KIF7: variants seen among roughly 807,000 people sequenced by gnomAD.
KIF7 encodes kinesin-like protein KIF7.
In KIF7, 104 loss-of-function variants were observed where a neutral mutation model predicts 135.7. That is an observed-to-expected ratio of 0.77 (90% confidence interval 0.65 to 0.90). The LOEUF is 0.90. KIF7 is among the 40% of genes least tolerant of loss of function. KIF7 has a pLI of 0.00. For synonymous variants in KIF7, 883 were observed against 809.4 expected, an observed-to-expected ratio of 1.09 and a Z score of -1.54; for missense variants, 2,005 against 1,839.1, an observed-to-expected ratio of 1.09 and a Z score of -1.65.
In KIF7 at chr15:89,630,458, G is replaced by A. The variant is rs1287671158; in HGVS notation, c.3147C>T (p.Ile1049=). The part of the protein sequence containing the change: ...ERTLFQLDEA[I]EALDAAIEYK... ...ACTCAATGGCAGCATCCAGGGCCTC[G>A]ATGGCCTCATCCAACTGGAACAGCG... The change falls in exon 16 of 19, where the codon ATC becomes ATT. Residue 1049 remains isoleucine, a synonymous_variant. Transcript: ENST00000394412. The A allele has an allele frequency of 1.6e-5, 25 of 1,569,048 alleles. No individual in the cohort carries two copies. The highest frequency in any genetic ancestry group is 2.0e-5 in the Non-Finnish European group (23 of 1,156,688).
At chr15:89,647,194 C>T (rs1482596660) in intron 6 of KIF7, 137 bp from the exon 7 acceptor site, 1 of 748,190 alleles carries the variant, frequency 1.3e-6, no homozygotes, top group African/African-American at 1.7e-5. Flanking sequence ...CCTCTCCTCC[C>T]CAACAACTCT....
At chr15:89,648,159 G>C (rs1316449087) in intron 5 of KIF7, 96 bp downstream of exon 5, 3 of 1,349,924 alleles carry the variant, frequency 2.2e-6, no homozygotes, top group Admixed American at 3.3e-5. Flanking sequence ...TAATGGGCAG[G>C]AGGCAGGGGC....
intron 1 of KIF7, among the ~76,000 whole-genome samples, chr15:89,653,727 A>G (rs1964160537): frequency 6.6e-6 from 1 of 151,336 alleles, no homozygotes; most frequent in Admixed American, 6.6e-5. Context: ...ACAGACATGT[A>G]CCTGGCTAAT....
intron 1 of KIF7, among the ~76,000 whole-genome samples, chr15:89,622,976 A>G (rs1963451247): frequency 6.6e-6 from 1 of 152,256 alleles, no homozygotes; most frequent in Non-Finnish European, 1.5e-5. Flanking sequence ...CCCACTGAAC[A>G]GGAAATGCCA....
At chr15:89,630,701 G>A in intron 15 of KIF7, 1 of 617,382 alleles carries the variant, frequency 1.6e-6, no homozygotes, top group Non-Finnish European at 2.9e-6. Context: ...CTCAGAGGTG[G>A]CCTGCTCAAC....
downstream of KIF7, chr15:89,625,410 C>A: frequency 6.2e-7 from 1 of 1,613,930 alleles, no homozygotes; most frequent in East Asian, 2.2e-5. Flanking sequence ...GCTCCTCTTC[C>A]GGGAGGGGCG....
chr15:89,650,434 C>A (rs1162970621), intron 2 of KIF7, among the ~76,000 whole-genome samples: 2 of 152,120 alleles, frequency 1.3e-5, no homozygotes, highest in Non-Finnish European at 2.9e-5. Context: ...GCTCTCGTTG[C>A]CCAAGCTGGA....
chr15:89,625,055 C>G, downstream of KIF7: 23 of 1,614,036 alleles, frequency 1.4e-5, no homozygotes, highest in Non-Finnish European at 1.9e-5. Flanking sequence ...GACCCCAGCT[C>G]TTCATTAGAG....
chr15:89,655,323 T>G (rs1250986058), intron 1 of KIF7, 76 bp downstream of exon 1: 1 of 152,202 alleles, frequency 6.6e-6, no homozygotes, highest in African/African-American at 2.4e-5. Flanking sequence ...GGCCCAGGCC[T>G]GCGCGAGGAG....
chr15:89,625,315 C>G (rs762466707), downstream of KIF7: 2 of 1,613,966 alleles, frequency 1.2e-6, no homozygotes, highest in African/African-American at 2.7e-5. Context: ...TCCTTGGACA[C>G]CATCCCCCAA....
chr15:89,621,982 C>CTTTTT lies in KIF7; in HGVS notation c.181-3792_181-3788dup, dbSNP rs34123859. 7.1e-3 allele frequency among the ~76,000 whole-genome samples: 620 copies of CTTTTT among 87,602 alleles called. 9 individuals carry two copies. Among genetic ancestry groups the CTTTTT allele is most frequent in the Non-Finnish European group, 8.8e-3 (412 of 46,632 alleles). 57.5% of individuals were successfully genotyped at this position (87,602 alleles called of 152,430 possible). On this transcript the variant is annotated intron_variant and NMD_transcript_variant, in intron 1 of 2. Transcript: ENST00000558928. ...TGCCCATTTTATTTACAAACTGACT[C>CTTTTT]TTTTTTTTTTTTTTTTTTTTTGGAG... is the stretch of plus-strand genomic sequence containing the variant.
At chr15:89,660,513 GAGC>G in the KIF7 span, among the ~76,000 whole-genome samples, 1 of 152,182 alleles carries the variant, frequency 6.6e-6, no homozygotes, top group East Asian at 1.9e-4. Flanking sequence ...GCTGGAGCTG[GAGC>G]AGCTATCTTG....
chr15:89,656,306 C>T (rs1210685839), upstream of KIF7, among the ~76,000 whole-genome samples: 1 of 151,872 alleles, frequency 6.6e-6, no homozygotes, highest in African/African-American at 2.4e-5. Context: ...GATGAGGGCT[C>T]CTGGGCAGGT....
downstream of KIF7, chr15:89,625,761 G>A (rs551437961): frequency 1.1e-4 from 171 of 1,607,476 alleles, no homozygotes; most frequent in Middle Eastern, 1.7e-4. Flanking sequence ...TACCCTCCAC[G>A]GGAGACGAAG....
chr15:89,626,906 G>C, downstream of KIF7: 1 of 1,593,520 alleles, frequency 6.3e-7, no homozygotes, highest in Non-Finnish European at 8.6e-7. Context: ...ATTTTTTTCA[G>C]TTCGGTCCTC....
At chr15:89,623,965 A>C (rs757057488), downstream of KIF7, 3 of 1,613,894 alleles carry the variant, frequency 1.9e-6, no homozygotes, top group African/African-American at 4.0e-5. Context: ...AGTGAATTCC[A>C]GTCCAGAAAG....
Position 89,649,256 on chromosome 15 carries a change from G to C in KIF7, c.641C>G (p.Ser214Cys). Residue 214 changes from serine (S) to cysteine (C), a missense_variant, in exon 4 of 19, where the codon TCT becomes TGT. Ser to Cys is a moderately radical substitution (Grantham distance 112). Transcript: ENST00000394412. Reference sequence around the variant, plus strand: ...GGTGAAGACCGTGTGTGAGCGGCTAGACAGGTGGTTGAGGTGCGTGGCTCC... The same window carrying C: ...GGTGAAGACCGTGTGTGAGCGGCTACACAGGTGGTTGAGGTGCGTGGCTCC... ...HTGATHLNHLSSRSHTVFTVT... is the reference protein window; with the variant it reads ...HTGATHLNHLCSRSHTVFTVT... The C allele has an allele frequency of 6.5e-7, 1 of 1,532,634 alleles. No individual in the cohort carries two copies. The highest frequency in any genetic ancestry group is 8.8e-7 in the Non-Finnish European group (1 of 1,135,226). 94.9% of individuals were successfully genotyped at this position (1,532,634 alleles called of 1,614,324 possible).
chr15:89,648,200 C>T, intron 5 of KIF7, 55 bp downstream of exon 5: 4 of 1,428,064 alleles, frequency 2.8e-6, no homozygotes, highest in Admixed American at 2.6e-5. Context: ...CTCTTCCTTC[C>T]TCTCCACCAC....
downstream of KIF7, chr15:89,623,726 A>C (rs751760685): frequency 6.2e-7 from 1 of 1,614,156 alleles, no homozygotes; most frequent in Non-Finnish European, 8.5e-7. Flanking sequence ...GAAAGGCTGC[A>C]GAAGTCCCCT....
Sources: allele counts gnomAD v4.1 joint callset (sites outside exome capture counted in the v4.1 genomes callset), GRCh38; gene constraint gnomAD v4.1.1; transcripts MANE v1.5; gene names NCBI Gene and HGNC (gene_info 2026-07-23, HGNC 2026-07-21).